Variants in NEBL observed in about 807,000 individuals in gnomAD.
NEBL encodes the protein LIM and SH3 protein 2.
Under a neutral mutation model 140.2 loss-of-function variants are expected in NEBL, and 122 were observed. That is an observed-to-expected ratio of 0.87 (90% CI 0.75 to 1.01). NEBL has a LOEUF of 1.01. NEBL is among the 50% of genes least tolerant of loss of function. The pLI is 0.00. For missense variants in NEBL, 1,365 were observed against 1,231.3 expected (o/e 1.11, Z -1.62); for synonymous variants, 436 against 398.9 (o/e 1.09, Z -1.11).
chr10:20,946,071 C>T (rs1331999200), intron 4 of NEBL, among the ~76,000 whole-genome samples: 1 of 152,168 alleles, frequency 6.6e-6, no homozygotes, highest in African/African-American at 2.4e-5. Flanking sequence ...TCTCTTCCCT[C>T]TATTCGGGTA....
intron 2 of NEBL, among the ~76,000 whole-genome samples, chr10:21,065,971 G>A (rs374676703): frequency 7.9e-5 from 12 of 152,180 alleles, no homozygotes; most frequent in African/African-American, 2.2e-4. Flanking sequence ...ACCTGGTTAC[G>A]TGTTAGCTGT....
chr10:20,952,842 T>C (rs1368443427), intron 4 of NEBL, among the ~76,000 whole-genome samples: 2 of 138,806 alleles, frequency 1.4e-5, no homozygotes, highest in African/African-American at 2.7e-5. Context: ...GAGGTGGAGG[T>C]TGCAGTAAGC....
At chr10:21,268,129 C>T (rs1374095340) in intron 1 of NEBL, among the ~76,000 whole-genome samples, 2 of 152,152 alleles carry the variant, frequency 1.3e-5, no homozygotes, top group African/African-American at 4.8e-5. Flanking sequence ...TACCTCCTCT[C>T]ACTGCATGTG....
At chr10:20,897,899 T>G (rs578206630), upstream of NEBL, among the ~76,000 whole-genome samples, 1 of 152,188 alleles carries the variant, frequency 6.6e-6, no homozygotes, top group Non-Finnish European at 1.5e-5. Flanking sequence ...CTGGCGAGTA[T>G]GGTATTGTAT....
At chr10:20,826,817 G>C (rs1839926506) in intron 17 of NEBL, among the ~76,000 whole-genome samples, 1 of 152,098 alleles carries the variant, frequency 6.6e-6, no homozygotes, top group African/African-American at 2.4e-5. Flanking sequence ...ATACACATTG[G>C]CAAACCAGAG....
At chr10:20,909,107 T>C (rs1472628311) in intron 4 of NEBL, among the ~76,000 whole-genome samples, 1 of 151,170 alleles carries the variant, frequency 6.6e-6, no homozygotes, top group Non-Finnish European at 1.5e-5. Flanking sequence ...TCATGGAGAA[T>C]GGGGCATCCA....
intron 2 of NEBL, among the ~76,000 whole-genome samples, chr10:21,033,481 G>A (rs1176039109): frequency 6.6e-6 from 1 of 152,124 alleles, no homozygotes; most frequent in Non-Finnish European, 1.5e-5. Context: ...CCACTTATAA[G>A]AATATATCAC....
Position 20,912,881 on chromosome 10 carries a change from C to CTTTT in NEBL, c.357+48787_357+48790dup, listed in dbSNP as rs397847147. On this transcript the variant is annotated intron_variant, in intron 4 of 6. Transcript: ENST00000417816. ...TCATGGGGGCCATAGTATGCCAATT[C>CTTTT]TTTTTTTTTTTTTTTTTTTTAGACA... Among the ~76,000 whole-genome samples, 1,152 of 117,816 alleles carry CTTTT rather than the reference C, an allele frequency of 9.8e-3. 25 individuals carry two copies. The highest frequency in any genetic ancestry group is 0.02 in the South Asian group (69 of 3,516). The allele number at this position is 117,816 out of a possible 152,430, so 77.3% of individuals were successfully genotyped here.
At chr10:20,871,290 C>T (rs1452627714) in intron 5 of NEBL, among the ~76,000 whole-genome samples, 1 of 152,120 alleles carries the variant, frequency 6.6e-6, no homozygotes, top group Non-Finnish European at 1.5e-5. Context: ...AGCCACAATC[C>T]TCTGTAACAG....
chr10:21,145,796 G>C (rs889199976), intron 2 of NEBL, among the ~76,000 whole-genome samples: 45 of 152,144 alleles, frequency 3.0e-4, no homozygotes, highest in African/African-American at 1.0e-3. Context: ...AACCCTGTAG[G>C]GAAATGCCAA....
chr10:21,088,499 A>T (rs530512416), intron 2 of NEBL, among the ~76,000 whole-genome samples: 91 of 152,160 alleles, frequency 6.0e-4, no homozygotes, highest in Non-Finnish European at 1.2e-3. Flanking sequence ...AAACAAAACA[A>T]AACCTTCTGC....
intron 2 of NEBL, among the ~76,000 whole-genome samples, chr10:21,044,689 G>A (rs1172096239): frequency 6.6e-6 from 1 of 152,022 alleles, no homozygotes; most frequent in Non-Finnish European, 1.5e-5. Context: ...TTGCTAAATG[G>A]TCAACATCTA....
At chr10:20,788,793 A>G (rs1835662648) in intron 26 of NEBL, among the ~76,000 whole-genome samples, 2 of 152,198 alleles carry the variant, frequency 1.3e-5, no homozygotes, top group African/African-American at 4.8e-5. Flanking sequence ...TATTGTCAAA[A>G]TCCACTCACG....
chr10:21,031,372 C>G (rs1050875667), intron 2 of NEBL, among the ~76,000 whole-genome samples: 1 of 152,144 alleles, frequency 6.6e-6, no homozygotes, highest in African/African-American at 2.4e-5. Flanking sequence ...GCAGAGGGAA[C>G]AACAGGAACA....
At chr10:20,885,814 T>C (rs1439950857) in intron 4 of NEBL, among the ~76,000 whole-genome samples, 1 of 152,224 alleles carries the variant, frequency 6.6e-6, no homozygotes, top group African/African-American at 2.4e-5. Context: ...TATCAGCAAG[T>C]GCTTAGGTGG....
At chr10:21,164,661 AGT>A (rs1308490017) in intron 2 of NEBL, among the ~76,000 whole-genome samples, 1 of 152,182 alleles carries the variant, frequency 6.6e-6, no homozygotes, top group East Asian at 1.9e-4. Flanking sequence ...GAGAACCCAG[AGT>A]GTGGTTTGTA....
At chr10:21,070,551 C>T (rs1835771026) in intron 2 of NEBL, among the ~76,000 whole-genome samples, 1 of 152,094 alleles carries the variant, frequency 6.6e-6, no homozygotes, top group African/African-American at 2.4e-5. Flanking sequence ...TTGCCCTTAG[C>T]TTCGTGAGTC....
chr10:21,207,639 C>T (rs975679604), intron 3 of NEBL, among the ~76,000 whole-genome samples: 1 of 152,044 alleles, frequency 6.6e-6, no homozygotes, highest in African/African-American at 2.4e-5. Context: ...CCAATGGGAG[C>T]CCCTGCAGGA....
intron 2 of NEBL, among the ~76,000 whole-genome samples, chr10:21,023,375 A>G (rs12244707): frequency 0.08 from 12,145 of 152,174 alleles, 1,591 homozygotes; most frequent in African/African-American, 0.28. Context: ...TTGGGGAACA[A>G]CCTTCTTCTG....
Sources: allele counts gnomAD v4.1 joint callset (sites outside exome capture counted in the v4.1 genomes callset), GRCh38; gene constraint gnomAD v4.1.1; transcripts MANE v1.5; gene names NCBI Gene and HGNC (gene_info 2026-07-23, HGNC 2026-07-21).